Variants in MCTP2 observed in about 807,000 individuals in gnomAD.
MCTP2 encodes the protein multiple C2 and transmembrane domain-containing protein 2.
Under a neutral mutation model 111.6 loss-of-function variants are expected in MCTP2, and 132 were observed. The observed-to-expected ratio is 1.18, with a 90% CI of 1.03 to 1.37. The LOEUF is 1.37. Among genes scored for constraint, MCTP2 ranks in the 40% most tolerant of loss-of-function variants. MCTP2 has a pLI of 0.00. For missense variants in MCTP2, 1,183 were observed against 1,067.9 expected (o/e 1.11, Z -1.50); for synonymous variants, 395 against 387.7 (o/e 1.02, Z -0.22).
rs370813790 is a variant in MCTP2, at chr15:94,298,218, A to G, written c.-48A>G. On this transcript the variant is annotated 5_prime_UTR_variant, in exon 2 of 23. Transcript: ENST00000357742. Reference sequence around the variant, plus strand: ...TTTTATAGGAGTCATTGCAGTTTTCAGTAGAGGTGTACTTCTGAGAAGTGG... The same window carrying G: ...TTTTATAGGAGTCATTGCAGTTTTCGGTAGAGGTGTACTTCTGAGAAGTGG... The G allele has an allele frequency of 4.9e-5, 67 of 1,355,814 alleles. 1 individual carries two copies. In the East Asian group the frequency reaches 9.9e-4, roughly 20 times the overall value. 84.0% of individuals were successfully genotyped at this position (1,355,814 alleles called of 1,614,324 possible).
intron 1 of MCTP2, among the ~76,000 whole-genome samples, chr15:94,292,118 T>C (rs2075060892): frequency 6.6e-6 from 1 of 152,180 alleles, no homozygotes; most frequent in African/African-American, 2.4e-5. Context: ...TGTATGATAC[T>C]GAAATAGTAA....
At chr15:94,354,103 A>G (rs2078470311) in intron 8 of MCTP2, among the ~76,000 whole-genome samples, 1 of 152,004 alleles carries the variant, frequency 6.6e-6, no homozygotes, top group African/African-American at 2.4e-5. Flanking sequence ...ATATTCCTAT[A>G]CATATATTCC....
chr15:94,245,544 ATATTTATATATG>A (rs2071883548), intron 1 of MCTP2, among the ~76,000 whole-genome samples: 1 of 142,492 alleles, frequency 7.0e-6, no homozygotes, highest in African/African-American at 2.6e-5. Context: ...ATACATGTAT[ATATTTATATATG>A]TATACATATA....
At chr15:94,345,006 T>C in intron 7 of MCTP2, 123 bp from the exon 8 acceptor site, 1 of 1,131,392 alleles carries the variant, frequency 8.8e-7, no homozygotes, top group Non-Finnish European at 1.3e-6. Context: ...ACCTCAGAAC[T>C]TGGATATTAA....
At chr15:94,278,087 T>G (rs2074305059) in intron 1 of MCTP2, 1 of 152,148 alleles carries the variant, frequency 6.6e-6, no homozygotes, top group Admixed American at 6.5e-5. Flanking sequence ...AGCTGTCAAA[T>G]GCCCTAATAT....
chr15:94,388,936 G>A (rs1567599284), intron 14 of MCTP2, among the ~76,000 whole-genome samples: 1 of 152,160 alleles, frequency 6.6e-6, no homozygotes, highest in Non-Finnish European at 1.5e-5. Context: ...GAATCAAGAG[G>A]CTATTTTGTG....
chr15:94,444,372 A>G (rs1596733596), intron 19 of MCTP2, among the ~76,000 whole-genome samples: 1 of 152,180 alleles, frequency 6.6e-6, no homozygotes, highest in East Asian at 1.9e-4. Context: ...CATAGGCATA[A>G]TTGACTGAAT....
At chr15:94,287,242 T>TC (rs1402326127) in intron 1 of MCTP2, among the ~76,000 whole-genome samples, 2 of 89,120 alleles carry the variant, frequency 2.2e-5, no homozygotes, top group African/African-American at 6.5e-5. Flanking sequence ...TAAGAGCACT[T>TC]TTTTTTTTTC....
chr15:94,381,376 A>G (rs1208777690), intron 12 of MCTP2, among the ~76,000 whole-genome samples: 1 of 152,292 alleles, frequency 6.6e-6, no homozygotes, highest in Non-Finnish European at 1.5e-5. Flanking sequence ...CTTTGACTGA[A>G]TTATCTTCAG....
chr15:94,247,028 G>A (rs895089938), intron 1 of MCTP2, among the ~76,000 whole-genome samples: 14 of 152,288 alleles, frequency 9.2e-5, no homozygotes, highest in Non-Finnish European at 1.9e-4. Context: ...ATCCCAGACA[G>A]GTTGAGAAAT....
chr15:94,363,922 G>A (rs924857005), intron 10 of MCTP2, among the ~76,000 whole-genome samples: 18 of 151,956 alleles, frequency 1.2e-4, no homozygotes, highest in Admixed American at 1.3e-4. Flanking sequence ...GATGCCCTGC[G>A]TGTGTGTTTT....
At chr15:94,289,370 C>T (rs2074929057) in intron 1 of MCTP2, among the ~76,000 whole-genome samples, 1 of 152,106 alleles carries the variant, frequency 6.6e-6, no homozygotes, top group Admixed American at 6.5e-5. Context: ...CAATATCTAG[C>T]TAAAATATCC....
intron 2 of MCTP2, among the ~76,000 whole-genome samples, chr15:94,298,947 CT>C (rs2075438287): frequency 1.3e-4 from 1 of 7,706 alleles, no homozygotes; most frequent in Non-Finnish European, 2.1e-4. Flanking sequence ...CCCTCTCTCC[CT>C]CTCTCCCTCT....
At position 94,482,699 on chromosome 15, in the gene MCTP2, C is replaced by T. The variant is rs1390701954; in HGVS notation, c.*3665C>T. ...TGTATATGAAAAGTGATCAAAACTACATGCTTCAAGAAATTAAACCTTGAA... is the reference window on the plus strand; with the variant it reads ...TGTATATGAAAAGTGATCAAAACTATATGCTTCAAGAAATTAAACCTTGAA... On this transcript the variant is annotated 3_prime_UTR_variant, in exon 23 of 23. Transcript: ENST00000357742. The T allele has an allele frequency of 1.3e-5, 2 of 152,216 alleles. No individual in the cohort carries two copies. Among genetic ancestry groups the T allele is most frequent in the Non-Finnish European group, 2.9e-5 (2 of 68,042 alleles). 9.4% of individuals were successfully genotyped at this position (152,216 alleles called of 1,614,324 possible). A position where few individuals can be genotyped will look rare whatever the true frequency, so the allele number is the denominator to read the frequency against.
At chr15:94,320,005 C>T (rs1314807325) in intron 4 of MCTP2, among the ~76,000 whole-genome samples, 1 of 152,166 alleles carries the variant, frequency 6.6e-6, no homozygotes, top group East Asian at 1.9e-4. Context: ...TTTTCACAGG[C>T]ATAAGCTCTG....
intron 20 of MCTP2, among the ~76,000 whole-genome samples, chr15:94,462,589 C>A (rs2085282961): frequency 1.3e-5 from 2 of 152,092 alleles, no homozygotes; most frequent in Non-Finnish European, 2.9e-5. Context: ...GAATTAAATC[C>A]TCAGCATTTT....
chr15:94,402,536 T>A (rs767493164), intron 17 of MCTP2: 1 of 1,551,782 alleles, frequency 6.4e-7, no homozygotes, highest in Admixed American at 2.0e-5. Context: ...TTTTCTCTGG[T>A]GACATTGGCC....
At chr15:94,300,508 T>TAAAAAA (rs1407879746) in intron 2 of MCTP2, among the ~76,000 whole-genome samples, 1 of 47,836 alleles carries the variant, frequency 2.1e-5, no homozygotes, top group African/African-American at 1.0e-4. Flanking sequence ...AGACTCTGTC[T>TAAAAAA]CAAAAAAAAA....
chr15:94,358,353 GTTTACC>G, intron 9 of MCTP2, 123 bp from the exon 10 acceptor site: 1 of 795,906 alleles, frequency 1.3e-6, no homozygotes, highest in Non-Finnish European at 1.9e-6. Flanking sequence ...AAAAAAAGAA[GTTTACC>G]TTTATAAGGG....
Sources: gnomAD v4.1 joint callset for allele counts (sites outside exome capture counted in the v4.1 genomes callset) on GRCh38, gnomAD v4.1.1 for gene constraint, MANE v1.5 for transcripts, NCBI Gene and HGNC (gene_info 2026-07-23, HGNC 2026-07-21) for gene names.